CCBE1: variants seen among roughly 807,000 people sequenced by gnomAD.
The protein encoded by CCBE1 is collagen and calcium binding EGF domains 1.
In CCBE1, 37 loss-of-function variants were observed where a neutral mutation model predicts 50.0. That is an observed-to-expected ratio of 0.74 (90% CI 0.57 to 0.97). The LOEUF is 0.97. Among genes scored for constraint, CCBE1 ranks in the 50% least tolerant of loss-of-function variants. CCBE1 has a pLI of 0.00. For synonymous variants in CCBE1, 234 were observed against 203.7 expected, an observed-to-expected ratio of 1.15 and a Z score of -1.27; for missense variants, 538 against 523.8, an observed-to-expected ratio of 1.03 and a Z score of -0.26.
At position 59,552,184 on chromosome 18, in the gene CCBE1, C is replaced by T. The variant is rs556164724; in HGVS notation, c.213-71946G>A. 6.6e-4 allele frequency among the ~76,000 whole-genome samples: 101 copies of T among 152,298 alleles called. 2 individuals are homozygous for T. Among genetic ancestry groups the T allele is most frequent in the African/African-American group, 2.3e-3 (96 of 41,564 alleles). On this transcript the variant is annotated intron_variant, in intron 2 of 10. Transcript: ENST00000439986. ...AGGGACATTCCAAAAAGTGGTAAGGCTCTTTGTGGCTCAGGCCCTGGACCT... is the reference window on the plus strand; with the variant it reads ...AGGGACATTCCAAAAAGTGGTAAGGTTCTTTGTGGCTCAGGCCCTGGACCT...
intron 2 of CCBE1, among the ~76,000 whole-genome samples, chr18:59,642,095 A>G (rs1599092556): frequency 6.6e-6 from 1 of 152,316 alleles, no homozygotes; most frequent in East Asian, 1.9e-4. Flanking sequence ...AACACCATAA[A>G]CTTTCTGCAG....
chr18:59,543,858 A>C (rs1018653548), intron 2 of CCBE1, among the ~76,000 whole-genome samples: 3 of 146,968 alleles, frequency 2.0e-5, no homozygotes, highest in African/African-American at 5.0e-5. Flanking sequence ...AAAAAAAAAA[A>C]CAGAAAACAC....
At chr18:59,614,826 C>T (rs2053617247) in intron 2 of CCBE1, among the ~76,000 whole-genome samples, 1 of 152,242 alleles carries the variant, frequency 6.6e-6, no homozygotes. Flanking sequence ...CATGACCCAA[C>T]CTACATACGT....
intron 2 of CCBE1, among the ~76,000 whole-genome samples, chr18:59,540,195 C>T (rs1249967116): frequency 6.6e-6 from 1 of 152,126 alleles, no homozygotes; most frequent in African/African-American, 2.4e-5. Context: ...TTAACATTTC[C>T]TCCATTGAGA....
intron 2 of CCBE1, among the ~76,000 whole-genome samples, chr18:59,673,651 A>G (rs1329185699): frequency 6.6e-6 from 1 of 152,182 alleles, no homozygotes; most frequent in East Asian, 1.9e-4. Flanking sequence ...TTTAACATGA[A>G]GCAGTGTTGA....
At chr18:59,638,624 T>G (rs541211610) in intron 2 of CCBE1, among the ~76,000 whole-genome samples, 1 of 152,200 alleles carries the variant, frequency 6.6e-6, no homozygotes, top group East Asian at 1.9e-4. Flanking sequence ...TATATAAAGC[T>G]TAGAAAAAAC....
At chr18:59,587,659 A>C (rs910506918) in intron 2 of CCBE1, among the ~76,000 whole-genome samples, 6 of 152,224 alleles carry the variant, frequency 3.9e-5, no homozygotes, top group Non-Finnish European at 7.3e-5. Flanking sequence ...GCATTTGTCT[A>C]ATCTATCGCC....
chr18:59,573,233 C>T (rs3097387), intron 2 of CCBE1, among the ~76,000 whole-genome samples: 10,513 of 143,478 alleles, frequency 0.073, 458 homozygotes, highest in East Asian at 0.11. Context: ...TGCAGTGAGC[C>T]GGGATTGTGC....
intron 3 of CCBE1, among the ~76,000 whole-genome samples, chr18:59,470,921 T>A (rs1195581834): frequency 2.0e-5 from 3 of 152,214 alleles, no homozygotes; most frequent in African/African-American, 7.2e-5. Flanking sequence ...AAAGCTGCCC[T>A]TGTAAAATAC....
intron 2 of CCBE1, among the ~76,000 whole-genome samples, chr18:59,641,796 T>C (rs556507720): frequency 2.6e-5 from 4 of 152,316 alleles, no homozygotes; most frequent in Admixed American, 6.5e-5. Context: ...AGGTGAGTGA[T>C]GGCATGGAAG....
intron 5 of CCBE1, chr18:59,462,364 T>C (rs1911525679): frequency 6.6e-6 from 1 of 152,224 alleles, no homozygotes; most frequent in African/African-American, 2.4e-5. Flanking sequence ...ATACCATCAC[T>C]TGTGATATGT....
intron 2 of CCBE1, among the ~76,000 whole-genome samples, chr18:59,577,456 C>T (rs2144500689): frequency 6.6e-6 from 1 of 152,320 alleles, no homozygotes; most frequent in Middle Eastern, 3.4e-3. Context: ...TTCTGCTATT[C>T]CCCAGTTTCT....
rs141626676 is a variant in CCBE1 at position 59,641,140 on chromosome 18, A to G, written c.212+55489T>C. Among the ~76,000 whole-genome samples, 1,004 of 152,332 alleles carry G rather than the reference A, an allele frequency of 6.6e-3. 6 individuals are homozygous for G. The highest frequency in any genetic ancestry group is 0.022 in the African/African-American group (916 of 41,560). On this transcript the variant is annotated intron_variant, in intron 2 of 10. Coordinates refer to ENST00000439986, the MANE Select transcript of CCBE1 (RefSeq NM_133459.4). The stretch of plus-strand genomic sequence containing the variant: ...TTATACCCAAATAAAAAAACATTCT[A>G]CCATAAAAACACATGCACACATATG...
At position 59,526,545 on chromosome 18, in the gene CCBE1, G is replaced by A. The variant is rs374069847; in HGVS notation, c.213-46307C>T. Among the ~76,000 whole-genome samples the A allele has an allele frequency of 1.1e-4, 16 of 152,174 alleles. 1 individual carries two copies. The South Asian group carries it at 3.1e-3, about 30-fold the overall frequency. ...AGGCTGGTCTCGAACTCCTGACCTCGTGATTCACCTGCCTCAGCCTCCCAA... is the reference window on the plus strand; with the variant it reads ...AGGCTGGTCTCGAACTCCTGACCTCATGATTCACCTGCCTCAGCCTCCCAA... On this transcript the variant is annotated intron_variant, in intron 2 of 10. Transcript: ENST00000439986.
intron 5 of CCBE1, among the ~76,000 whole-genome samples, chr18:59,466,404 T>C (rs1010560508): frequency 6.6e-6 from 1 of 152,114 alleles, no homozygotes; most frequent in African/African-American, 2.4e-5. Context: ...TCCACCGTGA[T>C]TGTGAGGCCT....
intron 2 of CCBE1, among the ~76,000 whole-genome samples, chr18:59,641,262 G>T (rs2053985609): frequency 6.6e-6 from 1 of 152,010 alleles, no homozygotes; most frequent in African/African-American, 2.4e-5. Context: ...ACACACCATA[G>T]AATACTACAT....
intron 2 of CCBE1, among the ~76,000 whole-genome samples, chr18:59,625,410 TAC>T (rs1016529456): frequency 7.9e-6 from 1 of 126,850 alleles, no homozygotes; most frequent in Non-Finnish European, 1.6e-5. Context: ...CAGCCTGGGC[TAC>T]AGAGTGAGAT....
At chr18:59,451,952 T>A (rs947007048) in intron 6 of CCBE1, among the ~76,000 whole-genome samples, 1 of 150,864 alleles carries the variant, frequency 6.6e-6, no homozygotes, top group South Asian at 2.1e-4. Flanking sequence ...TTTCCTTTCA[T>A]AGTAATAACT....
intron 2 of CCBE1, among the ~76,000 whole-genome samples, chr18:59,516,603 G>C (rs1354160401): frequency 6.6e-6 from 1 of 152,196 alleles, no homozygotes; most frequent in East Asian, 1.9e-4. Flanking sequence ...TTTACCTCCT[G>C]TTATGACTCA....
Sources: allele counts gnomAD v4.1 joint callset (sites outside exome capture counted in the v4.1 genomes callset), GRCh38; gene constraint gnomAD v4.1.1; transcripts MANE v1.5; gene names NCBI Gene and HGNC (gene_info 2026-07-23, HGNC 2026-07-21).